DDX60L: variants seen among roughly 807,000 people sequenced by gnomAD.
The protein encoded by DDX60L is probable ATP-dependent RNA helicase DDX60-like.
A neutral mutation model predicts 211.6 loss-of-function variants in DDX60L; 191 were observed. The observed-to-expected ratio is 0.90, with a 90% CI of 0.80 to 1.02. The LOEUF (loss-of-function observed/expected upper bound fraction) is 1.02, where lower values mean the gene tolerates loss of function less well. Among genes scored for constraint, DDX60L ranks in the 50% least tolerant of loss-of-function variants. DDX60L has a pLI of 0.00. For synonymous variants in DDX60L, 706 were observed against 694.1 expected (o/e 1.02, Z -0.27); for missense variants, 2,007 against 1,984.1 (o/e 1.01, Z -0.22).
intron 28 of DDX60L, among the ~76,000 whole-genome samples, chr4:168,392,868 G>A (rs577551850): frequency 1.7e-4 from 26 of 149,172 alleles, no homozygotes; most frequent in African/African-American, 4.5e-4. Flanking sequence ...AAAGTGTTCC[G>A]TGTAGCAAGC....
intron 8 of DDX60L, 149 bp downstream of exon 8, chr4:168,452,975 T>A: frequency 3.7e-6 from 3 of 804,336 alleles, no homozygotes; most frequent in Non-Finnish European, 5.5e-6. Context: ...TTTTCCTCAT[T>A]ACACTACCAA....
intron 6 of DDX60L, among the ~76,000 whole-genome samples, 173 bp downstream of exon 6, chr4:168,457,719 G>A (rs531064417): frequency 4.6e-5 from 7 of 152,094 alleles, no homozygotes; most frequent in South Asian, 4.1e-4. Context: ...TATGCCATCC[G>A]ATGAATTCAA....
intron 4 of DDX60L, among the ~76,000 whole-genome samples, chr4:168,465,689 T>C (rs1454811950): frequency 6.6e-6 from 1 of 152,140 alleles, no homozygotes; most frequent in Non-Finnish European, 1.5e-5. Context: ...AAAGTGAGGG[T>C]TCAGTTTCAT....
intron 24 of DDX60L, 142 bp downstream of exon 24, chr4:168,405,808 C>T (rs756961872): frequency 1.2e-4 from 97 of 840,376 alleles, no homozygotes; most frequent in Non-Finnish European, 1.6e-4. Context: ...ATCTCATACT[C>T]ACTGGATAAC....
chr4:168,363,371 A>C (rs1560917474), intron 36 of DDX60L, among the ~76,000 whole-genome samples: 2 of 152,216 alleles, frequency 1.3e-5, no homozygotes, highest in East Asian at 1.9e-4. Context: ...TGAAAGATTA[A>C]AACTCATCGA....
chr4:168,362,342 A>C (rs1435889401), intron 36 of DDX60L, among the ~76,000 whole-genome samples: 2 of 152,210 alleles, frequency 1.3e-5, no homozygotes, highest in East Asian at 3.9e-4. Context: ...CCCCATAGAC[A>C]CTGCCACACA....
intron 17 of DDX60L, 21 bp from the exon 18 acceptor site, chr4:168,420,401 C>A (rs774062696): frequency 1.3e-6 from 2 of 1,585,080 alleles, no homozygotes; most frequent in Admixed American, 1.8e-5. Context: ...AGAAAAAAAA[C>A]CATTAGTCAC....
At chr4:168,471,640 T>A (rs574313263) in intron 4 of DDX60L, 107 bp downstream of exon 4, 2 of 876,558 alleles carry the variant, frequency 2.3e-6, no homozygotes, top group Non-Finnish European at 3.3e-6. Flanking sequence ...TGTCTTTTTA[T>A]ATTTTCTATG....
chr4:168,457,259 CAT>C (rs147907092), intron 6 of DDX60L, among the ~76,000 whole-genome samples: 3 of 109,386 alleles, frequency 2.7e-5, no homozygotes, highest in Non-Finnish European at 6.4e-5. Flanking sequence ...ATATAAACTA[CAT>C]ACACACACAC....
At chr4:168,461,674 A>T in intron 5 of DDX60L, 25 bp downstream of exon 5, 7 of 1,448,388 alleles carry the variant, frequency 4.8e-6, no homozygotes, top group Non-Finnish European at 6.4e-6. Context: ...AATCAGGAAA[A>T]AAATGAGTTA....
chr4:168,432,270 A>G (rs1283279966), intron 12 of DDX60L, among the ~76,000 whole-genome samples, 185 bp downstream of exon 12: 2 of 149,038 alleles, frequency 1.3e-5, no homozygotes, highest in African/African-American at 4.9e-5. Context: ...ATATATATAC[A>G]CACATATATG....
chr4:168,396,093 GT>G lies in DDX60L; in HGVS notation c.3522del (p.Lys1174AsnfsTer19), dbSNP rs757712015. 1 of 1,506,410 alleles carries G rather than the reference GT, an allele frequency of 6.6e-7. No homozygotes were observed. Among genetic ancestry groups the G allele is most frequent in the South Asian group, 1.3e-5 (1 of 76,258 alleles). 93.3% of individuals were successfully genotyped at this position (1,506,410 alleles called of 1,614,324 possible). On this transcript the variant is annotated frameshift_variant, in exon 27 of 38. Coordinates refer to ENST00000682922, the MANE Select transcript of DDX60L (RefSeq NM_001012967.3). LOFTEE classifies it high-confidence loss of function. ...ITKKNPKKAE[K>X]LERKKVYRAE... ...GCTCTATACACTTTTTTTCTTTCCA[GT>G]TTTTCAGCCTTCTTTGGGTTTTTTT...
chr4:168,406,184 C>A, intron 23 of DDX60L, 106 bp from the exon 24 acceptor site: 6 of 1,131,410 alleles, frequency 5.3e-6, no homozygotes, highest in Non-Finnish European at 7.4e-6. Context: ...AAATTGCAAA[C>A]TCCTTGAGGG....
At chr4:168,429,671 C>T (rs1047052427) in intron 13 of DDX60L, among the ~76,000 whole-genome samples, 4 of 152,142 alleles carry the variant, frequency 2.6e-5, no homozygotes, top group East Asian at 1.9e-4. Flanking sequence ...AATCTTATGT[C>T]GAATTGTAAT....
chr4:168,395,831 A>G (rs1434558399), intron 27 of DDX60L, 128 bp downstream of exon 27: 41 of 688,640 alleles, frequency 6.0e-5, no homozygotes, highest in Non-Finnish European at 9.6e-5. Flanking sequence ...AACAAACAAA[A>G]TCACACACAG....
Position 168,441,376 on chromosome 4 carries a change from T to C in DDX60L, c.1255A>G (p.Arg419Gly), listed in dbSNP as rs774700119. 13 of 1,611,442 alleles carry C rather than the reference T, an allele frequency of 8.1e-6. 1 individual carries two copies. The highest frequency in any genetic ancestry group is 1.3e-5 in the African/African-American group (1 of 74,976). ...VGKSFPLRTT[R>G]RHFLRQEKSV... ...TTCTCTTGTCTAAGAAAATGTCTTC[T>C]TGTTGTTCTCAGAGGAAAAGACTTT... Residue 419 changes from arginine (R) to glycine (G), a missense_variant, in exon 10 of 38, where the codon AGA (arginine) becomes GGA (glycine). Arg to Gly is a moderately radical substitution (Grantham distance 125, BLOSUM62 -2). Transcript: ENST00000682922.
At chr4:168,453,373 G>T in intron 7 of DDX60L, 91 bp from the exon 8 acceptor site, 1 of 1,322,720 alleles carries the variant, frequency 7.6e-7, no homozygotes, top group Non-Finnish European at 1.0e-6. Context: ...TATCTTCAAA[G>T]TTTTACATCT....
intron 5 of DDX60L, among the ~76,000 whole-genome samples, chr4:168,460,966 A>T (rs560152190): frequency 6.6e-6 from 1 of 152,354 alleles, no homozygotes; most frequent in East Asian, 1.9e-4. Context: ...ACAGATGCAC[A>T]GGGCAAGGTA....
chr4:168,404,098 T>A lies in DDX60L; in HGVS notation c.3222A>T (p.Arg1074Ser), dbSNP rs776258870. Residue 1074 changes from arginine (R) to serine (S), a missense_variant, in exon 25 of 38, where the codon AGA (arginine) becomes AGT (serine). Arg to Ser is a moderately radical substitution (Grantham distance 110). Coordinates refer to ENST00000682922, the MANE Select transcript of DDX60L (RefSeq NM_001012967.3). ...IKNGQVKKVK[R>S]VLKNLSPDSL... ...AATCCGGACTAAGGTTCTTCAGTAC[T>A]CTTTTGACCTACAACAGTAAGTAAA... is the stretch of plus-strand genomic sequence containing the variant. 6 of 1,363,090 alleles carry A rather than the reference T, an allele frequency of 4.4e-6. No homozygotes were observed. The highest frequency in any genetic ancestry group is 2.9e-6 in the Non-Finnish European group (3 of 1,045,432). 84.4% of individuals were successfully genotyped at this position (1,363,090 alleles called of 1,614,324 possible).
Sources: allele counts gnomAD v4.1 joint callset (sites outside exome capture counted in the v4.1 genomes callset), GRCh38; gene constraint gnomAD v4.1.1; transcripts MANE v1.5; gene names NCBI Gene and HGNC (gene_info 2026-07-23, HGNC 2026-07-21).